Variants in MAGI2 observed in about 807,000 individuals in gnomAD.
MAGI2 encodes membrane-associated guanylate kinase, WW and PDZ domain-containing protein 2.
Under a neutral mutation model 133.3 loss-of-function variants are expected in MAGI2, and 35 were observed. The observed-to-expected ratio is 0.26, with a 90% CI of 0.20 to 0.35. The LOEUF is 0.35. Ranked by LOEUF, MAGI2 falls within the 10% of genes least tolerant of loss-of-function variation. The probability of loss-of-function intolerance (pLI) is 1.00; values close to 1 mark genes in which losing one functional copy is unlikely to be tolerated. For missense variants in MAGI2, 1,636 were observed against 1,863.4 expected, an observed-to-expected ratio of 0.88 and a Z score of 2.25; for synonymous variants, 729 against 710.6, an observed-to-expected ratio of 1.03 and a Z score of -0.41.
chr7:78,419,395 G>A (rs1008910806), intron 6 of MAGI2, among the ~76,000 whole-genome samples: 6 of 63,632 alleles, frequency 9.4e-5, no homozygotes, highest in Non-Finnish European at 1.4e-4. Context: ...AATATGCACC[G>A]AGCTTGTGTG....
At chr7:78,663,641 G>T (rs1813225565) in intron 2 of MAGI2, among the ~76,000 whole-genome samples, 1 of 152,060 alleles carries the variant, frequency 6.6e-6, no homozygotes, top group African/African-American at 2.4e-5. Context: ...TGTTAAATAG[G>T]TAGCTAAGAG....
intron 1 of MAGI2, among the ~76,000 whole-genome samples, chr7:79,229,527 G>A (rs1020852748): frequency 7.9e-5 from 12 of 152,058 alleles, no homozygotes; most frequent in African/African-American, 2.7e-4. Context: ...TTACCATCCC[G>A]GAGCCTATAA....
In MAGI2 at chr7:78,124,296, C is replaced by T. The variant is rs60286623; in HGVS notation, c.3567+1398G>A. Among the ~76,000 whole-genome samples the T allele has an allele frequency of 8.4e-3, 1,286 of 152,316 alleles. 17 individuals carry two copies. The highest frequency in any genetic ancestry group is 0.029 in the African/African-American group (1,222 of 41,562). The stretch of plus-strand genomic sequence containing the variant: ...AGGAAACCATGTGGAGGCCCATCTT[C>T]AAATCAGGGCTAGACGGGGTAAGAG... On this transcript the variant is annotated intron_variant, in intron 20 of 21. Coordinates refer to ENST00000354212, the MANE Select transcript of MAGI2 (RefSeq NM_012301.4).
chr7:78,259,103 C>T (rs1793278281), intron 9 of MAGI2, among the ~76,000 whole-genome samples: 1 of 152,186 alleles, frequency 6.6e-6, no homozygotes, highest in Non-Finnish European at 1.5e-5. Context: ...TTGCATTTCC[C>T]AGACTGCCAG....
At position 78,780,887 on chromosome 7, in the gene MAGI2, A is replaced by G. The variant is rs111875422; in HGVS notation, c.419-153648T>C. Among the ~76,000 whole-genome samples the G allele has an allele frequency of 7.9e-5, 12 of 152,338 alleles. No homozygotes were observed. In the East Asian group the frequency reaches 2.3e-3, roughly 29 times the overall value. ...GGAATTCCTCTAGAATAAAAGTAAGATGACTGAAAAGTTGTAGGAAAATTG... is the reference window on the plus strand; with the variant it reads ...GGAATTCCTCTAGAATAAAAGTAAGGTGACTGAAAAGTTGTAGGAAAATTG... On this transcript the variant is annotated intron_variant, in intron 2 of 21. Transcript: ENST00000354212.
chr7:79,260,391 CATACATACATACATACAT>C (rs1833992042), intron 1 of MAGI2, among the ~76,000 whole-genome samples: 1 of 151,174 alleles, frequency 6.6e-6, no homozygotes, highest in Non-Finnish European at 1.5e-5. Flanking sequence ...TACATACATA[CATACATACATACATACAT>C]ACATACACTA....
chr7:78,418,086 T>C (rs1798462812), intron 6 of MAGI2, among the ~76,000 whole-genome samples: 1 of 152,134 alleles, frequency 6.6e-6, no homozygotes, highest in Non-Finnish European at 1.5e-5. Context: ...CCCAGGAGTC[T>C]GGGGTTGCAG....
intron 9 of MAGI2, among the ~76,000 whole-genome samples, chr7:78,289,090 T>C (rs1430461729): frequency 6.6e-6 from 1 of 152,108 alleles, no homozygotes; most frequent in Non-Finnish European, 1.5e-5. Flanking sequence ...AGGAACAAAG[T>C]TGGATGGAGA....
intron 2 of MAGI2, among the ~76,000 whole-genome samples, chr7:78,702,018 A>C (rs1440029461): frequency 1.3e-5 from 2 of 152,008 alleles, no homozygotes; most frequent in Non-Finnish European, 2.9e-5. Context: ...TAATAGAAGA[A>C]GGGAACTCCC....
At chr7:78,522,397 G>A (rs1226765392) in intron 3 of MAGI2, among the ~76,000 whole-genome samples, 3 of 152,046 alleles carry the variant, frequency 2.0e-5, no homozygotes, top group Admixed American at 6.6e-5. Flanking sequence ...TCATTTTATT[G>A]AGACAGAGTC....
chr7:78,264,137 T>C (rs1474934760), intron 9 of MAGI2, among the ~76,000 whole-genome samples: 1 of 152,174 alleles, frequency 6.6e-6, no homozygotes, highest in Non-Finnish European at 1.5e-5. Context: ...CATTTTAATA[T>C]ACTTAATATT....
chr7:78,694,889 G>T (rs974127667), intron 2 of MAGI2, among the ~76,000 whole-genome samples: 10 of 152,174 alleles, frequency 6.6e-5, no homozygotes, highest in African/African-American at 2.2e-4. Context: ...TTACTTGTTG[G>T]TGTTTTCTGG....
chr7:78,998,756 G>C (rs1462663488), intron 2 of MAGI2, among the ~76,000 whole-genome samples: 1 of 152,102 alleles, frequency 6.6e-6, no homozygotes, highest in African/African-American at 2.4e-5. Context: ...TAAGAACACT[G>C]TTATCCATTG....
intron 9 of MAGI2, among the ~76,000 whole-genome samples, chr7:78,340,736 G>T (rs1003086992): frequency 2.0e-5 from 3 of 152,052 alleles, no homozygotes; most frequent in African/African-American, 7.3e-5. Flanking sequence ...TGCAGAAAAG[G>T]CCTTCGAGAA....
At chr7:79,261,004 A>C (rs1834048849) in intron 1 of MAGI2, among the ~76,000 whole-genome samples, 1 of 152,212 alleles carries the variant, frequency 6.6e-6, no homozygotes, top group African/African-American at 2.4e-5. Context: ...TCTACACTGG[A>C]AAACAAACAA....
At chr7:78,606,498 G>C (rs997245065) in intron 3 of MAGI2, among the ~76,000 whole-genome samples, 3 of 152,084 alleles carry the variant, frequency 2.0e-5, no homozygotes, top group Admixed American at 1.3e-4. Flanking sequence ...AGAAAGAAGA[G>C]AGAAGGTGAG....
chr7:78,213,041 T>C (rs1233478787), intron 10 of MAGI2, among the ~76,000 whole-genome samples: 2 of 152,230 alleles, frequency 1.3e-5, no homozygotes, highest in Admixed American at 6.5e-5. Context: ...TCAATTTTTA[T>C]TGGTAAGTCA....
At chr7:78,340,603 C>T (rs1278490405) in intron 9 of MAGI2, among the ~76,000 whole-genome samples, 1 of 152,176 alleles carries the variant, frequency 6.6e-6, no homozygotes, top group African/African-American at 2.4e-5. Context: ...AAAAGCTTTT[C>T]CATCACAATC....
intron 1 of MAGI2, among the ~76,000 whole-genome samples, chr7:79,094,258 C>T (rs756966410): frequency 1.3e-5 from 2 of 152,202 alleles, no homozygotes; most frequent in African/African-American, 2.4e-5. Context: ...CAAGAAGCCA[C>T]TTTCTTTGCT....
Sources: gnomAD v4.1 joint callset for allele counts (sites outside exome capture counted in the v4.1 genomes callset) on GRCh38, gnomAD v4.1.1 for gene constraint, MANE v1.5 for transcripts, NCBI Gene and HGNC (gene_info 2026-07-23, HGNC 2026-07-21) for gene names.